Variants in DAPP1 observed in about 807,000 individuals in gnomAD.
DAPP1 encodes the protein dual adapter for phosphotyrosine and 3-phosphotyrosine and 3-phosphoinositide.
A neutral mutation model predicts 41.5 loss-of-function variants in DAPP1; 20 were observed. The observed-to-expected ratio is 0.48, with a 90% confidence interval of 0.34 to 0.70. The LOEUF is 0.70. Ranked by LOEUF, DAPP1 falls within the 30% of genes least tolerant of loss-of-function variation. DAPP1 has a pLI of 0.01. For synonymous variants in DAPP1, 113 were observed against 116.2 expected, an observed-to-expected ratio of 0.97 and a Z score of 0.18; for missense variants, 233 against 333.4, an observed-to-expected ratio of 0.70 and a Z score of 2.35.
intron 7 of DAPP1, chr4:99,865,328 A>G (rs1255254772): frequency 6.6e-6 from 1 of 152,216 alleles, no homozygotes; most frequent in Non-Finnish European, 1.5e-5. Context: ...CTTATTGCTT[A>G]CATAATTTTA....
chr4:99,837,184 A>G (rs1170182811), intron 2 of DAPP1, among the ~76,000 whole-genome samples: 1 of 152,246 alleles, frequency 6.6e-6, no homozygotes, highest in Admixed American at 6.5e-5. Context: ...GCCCACTCAG[A>G]TAATGTCCAT....
At chr4:99,855,455 G>A (rs1440896146) in intron 4 of DAPP1, among the ~76,000 whole-genome samples, 1 of 152,088 alleles carries the variant, frequency 6.6e-6, no homozygotes, top group East Asian at 1.9e-4. Flanking sequence ...AGCACATTCT[G>A]GAAACCTTGT....
chr4:99,862,671 A>T (rs1724279202), intron 5 of DAPP1, among the ~76,000 whole-genome samples: 1 of 152,172 alleles, frequency 6.6e-6, no homozygotes, highest in African/African-American at 2.4e-5. Context: ...AATATTTATG[A>T]TAGACTAATT....
At chr4:99,852,582 C>T (rs796357426) in intron 3 of DAPP1, among the ~76,000 whole-genome samples, 4 of 152,280 alleles carry the variant, frequency 2.6e-5, no homozygotes, top group African/African-American at 9.6e-5. Flanking sequence ...CTTGTGAGCA[C>T]CAGCTTGTTC....
At chr4:99,832,042 G>C (rs1318263015) in intron 1 of DAPP1, among the ~76,000 whole-genome samples, 1 of 149,946 alleles carries the variant, frequency 6.7e-6, no homozygotes, top group Non-Finnish European at 1.5e-5. Flanking sequence ...ACCTGATTTC[G>C]ATCTTTCTTT....
chr4:99,845,914 G>T (rs1424603305), intron 3 of DAPP1, among the ~76,000 whole-genome samples: 7 of 152,158 alleles, frequency 4.6e-5, no homozygotes, highest in Admixed American at 3.9e-4. Flanking sequence ...AAAATGAGAG[G>T]TAAGATCAAA....
chr4:99,830,764 TTCTC>T (rs924587543), intron 1 of DAPP1, among the ~76,000 whole-genome samples: 11 of 151,238 alleles, frequency 7.3e-5, no homozygotes, highest in African/African-American at 1.9e-4. Context: ...AACTCTCTCT[TTCTC>T]TCTCTCTCTC....
At chr4:99,871,380 T>C (rs979316395), downstream of DAPP1, among the ~76,000 whole-genome samples, 7 of 152,234 alleles carry the variant, frequency 4.6e-5, no homozygotes, top group African/African-American at 1.4e-4. Flanking sequence ...GCAGAGTTTC[T>C]TAAACCATCT....
downstream of DAPP1, among the ~76,000 whole-genome samples, chr4:99,872,230 G>A (rs1301258844): frequency 2.0e-5 from 3 of 152,206 alleles, no homozygotes; most frequent in African/African-American, 7.2e-5. Context: ...CCCAGTTCCA[G>A]ATGCATCGTT....
At chr4:99,843,427 T>C (rs1378812722) in intron 3 of DAPP1, among the ~76,000 whole-genome samples, 1 of 152,234 alleles carries the variant, frequency 6.6e-6, no homozygotes. Context: ...CTTTACACTT[T>C]TAGGATTTCT....
chr4:99,846,086 T>C (rs1016965072), intron 3 of DAPP1, among the ~76,000 whole-genome samples: 2 of 152,180 alleles, frequency 1.3e-5, no homozygotes, highest in African/African-American at 4.8e-5. Flanking sequence ...TCAGGGACTA[T>C]TGCATTTTTC....
chr4:99,818,433 G>A (rs141069159), intron 1 of DAPP1, among the ~76,000 whole-genome samples: 6 of 152,260 alleles, frequency 3.9e-5, no homozygotes, highest in Non-Finnish European at 7.4e-5. Context: ...AACCCCAAAG[G>A]AGGAGATAGA....
intron 4 of DAPP1, among the ~76,000 whole-genome samples, chr4:99,853,580 G>T (rs887965028): frequency 1.3e-5 from 2 of 152,152 alleles, no homozygotes; most frequent in Non-Finnish European, 2.9e-5. Context: ...CCAACATTTT[G>T]GGAGGCCAAG....
chr4:99,863,726 T>C, intron 6 of DAPP1, 44 bp from the exon 7 acceptor site: 1 of 1,243,856 alleles, frequency 8.0e-7, no homozygotes, highest in Non-Finnish European at 1.1e-6. Flanking sequence ...CTGTTTTTTT[T>C]TTTTTTTTTA....
At chr4:99,865,218 C>A (rs560236836) in intron 7 of DAPP1, 6 of 152,222 alleles carry the variant, frequency 3.9e-5, no homozygotes, top group African/African-American at 1.4e-4. Flanking sequence ...ATATAGAAAC[C>A]CTTCTGAAGG....
chr4:99,843,621 C>T (rs563337987), intron 3 of DAPP1, among the ~76,000 whole-genome samples: 3 of 152,340 alleles, frequency 2.0e-5, no homozygotes, highest in South Asian at 2.1e-4. Context: ...TCTTAAGATA[C>T]TTCCAATTCT....
At position 99,844,008 on chromosome 4, in the gene DAPP1, T is replaced by C. The variant is rs1421371753; in HGVS notation, c.358+3586T>C. 5 of 152,236 alleles carry C rather than the reference T, an allele frequency of 3.3e-5. No individual in the cohort carries two copies. In the East Asian group the frequency reaches 9.6e-4, roughly 29 times the overall value. 9.4% of individuals were successfully genotyped at this position (152,236 alleles called of 1,614,324 possible). A position where few individuals can be genotyped will look rare whatever the true frequency, so the allele number is the denominator to read the frequency against. The stretch of plus-strand genomic sequence containing the variant: ...ATGATATTTTGTGTTGCATGTATGC[T>C]CAGTGATGATTAAATTCAGAATTTG... On this transcript the variant is annotated intron_variant, in intron 3 of 8. Coordinates refer to ENST00000512369, the MANE Select transcript of DAPP1 (RefSeq NM_014395.3).
At chr4:99,851,686 G>A (rs1239560852) in intron 3 of DAPP1, among the ~76,000 whole-genome samples, 2 of 151,646 alleles carry the variant, frequency 1.3e-5, no homozygotes, top group African/African-American at 4.9e-5. Context: ...GACTACAGGT[G>A]CCTGCCACCA....
intron 3 of DAPP1, among the ~76,000 whole-genome samples, chr4:99,840,978 GA>G (rs973755578): frequency 2.6e-5 from 4 of 151,514 alleles, no homozygotes; most frequent in South Asian, 2.1e-4. Context: ...CATGTGTAAA[GA>G]AAAAAAACAC....
Sources: allele counts gnomAD v4.1 joint callset (sites outside exome capture counted in the v4.1 genomes callset), GRCh38; gene constraint gnomAD v4.1.1; transcripts MANE v1.5; gene names NCBI Gene and HGNC (gene_info 2026-07-23, HGNC 2026-07-21).